The following PCDHGA10 variants were observed in gnomAD, a reference collection of about 807,000 sequenced individuals.
The protein encoded by PCDHGA10 is protocadherin gamma subfamily A, 10, also known as protocadherin gamma-A10.
In PCDHGA10, 42 loss-of-function variants were observed where a neutral mutation model predicts 59.5. The ratio of observed to expected loss-of-function variants is 0.71; its 90% CI spans 0.55 to 0.91. The LOEUF is 0.91. Ranked by LOEUF, PCDHGA10 falls within the 40% of genes least tolerant of loss-of-function variation. The pLI, the probability that PCDHGA10 is intolerant of heterozygous loss-of-function variation, is 0.00. For synonymous variants in PCDHGA10, 511 were observed against 517.2 expected, an observed-to-expected ratio of 0.99 and a Z score of 0.16; for missense variants, 1,111 against 1,198.2, an observed-to-expected ratio of 0.93 and a Z score of 1.07.
At chr5:141,496,021 G>T (rs1011612662) in intron 2 of PCDHGA10, among the ~76,000 whole-genome samples, 2 of 151,336 alleles carry the variant, frequency 1.3e-5, no homozygotes, top group African/African-American at 4.9e-5. Flanking sequence ...TTTTCTCTGA[G>T]CCTCTGTCTC....
chr5:141,422,987 A>AG, intron 1 of PCDHGA10: 1 of 1,614,168 alleles, frequency 6.2e-7, no homozygotes. Context: ...GAACCTGGCT[A>AG]CCTGGTGACC....
intron 1 of PCDHGA10, among the ~76,000 whole-genome samples, chr5:141,480,873 C>A (rs1026513782): frequency 6.6e-6 from 1 of 152,168 alleles, no homozygotes; most frequent in East Asian, 1.9e-4. Context: ...GGTGAAACCC[C>A]GTCTCTACTA....
chr5:141,468,131 C>G (rs1006565854), intron 1 of PCDHGA10, among the ~76,000 whole-genome samples: 1 of 151,766 alleles, frequency 6.6e-6, no homozygotes, highest in African/African-American at 2.4e-5. Flanking sequence ...TTGAGACCAG[C>G]CTGGCCAACA....
At position 141,494,704 on chromosome 5, in the gene PCDHGA10, T is replaced by C. The variant is rs2099756232; in HGVS notation, c.2437-103T>C. Reference sequence around the variant, plus strand: ...CCCCCTCTTAGTCCGTTTTCTTCTCTGTGCCCACTCCCCTCCTTCTCTCCC... The same window carrying C: ...CCCCCTCTTAGTCCGTTTTCTTCTCCGTGCCCACTCCCCTCCTTCTCTCCC... On this transcript the variant is annotated intron_variant, in intron 1 of 3. Transcript: ENST00000398610. The C allele has an allele frequency of 3.1e-6, 5 of 1,597,570 alleles. No individual in the cohort carries two copies. The Admixed American group carries it at 8.5e-5, about 27-fold the overall frequency.
At position 141,476,140 on chromosome 5, in the gene PCDHGA10, C is replaced by A. The variant is rs1410430310; in HGVS notation, c.2437-18667C>A. On this transcript the variant is annotated intron_variant, in intron 1 of 3. Coordinates refer to ENST00000398610, the MANE Select transcript of PCDHGA10 (RefSeq NM_018913.3). The surrounding 1 kb of genome is among the most constrained non-coding windows in gnomAD (Gnocchi z 7.6). ...AGATGGTCCCAGAGGCCTGGAGGAG[C>A]GGACTGGTAAGCACCGGGAGGGTAG... 6 of 1,609,222 alleles carry A rather than the reference C, an allele frequency of 3.7e-6. No homozygotes were observed. The highest frequency in any genetic ancestry group is 5.1e-6 in the Non-Finnish European group (6 of 1,178,484).
rs566635689 is a variant in PCDHGA10, at chr5:141,469,738, C to G, written c.2437-25069C>G. ...AGGAATTTATCATAAATACACACCT[C>G]AAAAATTACAAAAATACATATATAC... is the stretch of plus-strand genomic sequence containing the variant. On this transcript the variant is annotated intron_variant, in intron 1 of 3. Transcript: ENST00000398610. 6.7e-4 allele frequency among the ~76,000 whole-genome samples: 102 copies of G among 152,292 alleles called. 2 individuals are homozygous for G. Among genetic ancestry groups the G allele is most frequent in the African/African-American group, 2.4e-3 (99 of 41,552 alleles).
intron 1 of PCDHGA10, among the ~76,000 whole-genome samples, chr5:141,455,160 G>GTT (rs59530096): frequency 1.3e-4 from 20 of 149,232 alleles, no homozygotes; most frequent in South Asian, 1.1e-3. Flanking sequence ...TAGTTTGTTG[G>GTT]TTTTTTTTTT....
At chr5:141,422,201 G>A in intron 1 of PCDHGA10, 1 of 1,562,386 alleles carries the variant, frequency 6.4e-7, no homozygotes, top group Non-Finnish European at 8.6e-7. Context: ...GGCCAAGATG[G>A]TGGAGGTCTC....
chr5:141,418,754 G>A (rs748707880), intron 1 of PCDHGA10: 1 of 1,613,926 alleles, frequency 6.2e-7, no homozygotes, highest in South Asian at 1.1e-5. Context: ...TTACACTACA[G>A]GAAACATTCT....
In PCDHGA10 at chr5:141,477,292, A is replaced by G; in HGVS notation, c.2437-17515A>G. The G allele has an allele frequency of 1.2e-6, 2 of 1,614,114 alleles. No individual in the cohort carries two copies. The highest frequency in any genetic ancestry group is 4.5e-5 in the East Asian group (2 of 44,862). On this transcript the variant is annotated intron_variant, in intron 1 of 3. Transcript: ENST00000398610. The surrounding 1 kb of genome is among the most constrained non-coding windows in gnomAD (Gnocchi z 4.9). ...ACGGGCTGGTGACCTGCGAAGTTCCACCGGGTCTCCCTTTCAGCCTTACTT... is the reference window on the plus strand; with the variant it reads ...ACGGGCTGGTGACCTGCGAAGTTCCGCCGGGTCTCCCTTTCAGCCTTACTT...
intron 1 of PCDHGA10, among the ~76,000 whole-genome samples, chr5:141,434,700 G>A (rs1041657389): frequency 6.6e-6 from 1 of 151,780 alleles, no homozygotes; most frequent in Non-Finnish European, 1.5e-5. Context: ...TAATAAATAT[G>A]TGGGTAAATC....
Position 141,486,817 on chromosome 5 carries a change from T to A in PCDHGA10, c.2437-7990T>A, listed in dbSNP as rs143638501. On this transcript the variant is annotated intron_variant, in intron 1 of 3. Transcript: ENST00000398610. The surrounding 1 kb of genome is among the most constrained non-coding windows in gnomAD (Gnocchi z 5.0). ...GGGGCAACCCACCCCTTAGCAGCAC[T>A]GTAACAGTTCGTCTATTTGTGCTGG... 1 of 1,614,102 alleles carries A rather than the reference T, an allele frequency of 6.2e-7. No homozygotes were observed. Among genetic ancestry groups the A allele is most frequent in the East Asian group, 2.2e-5 (1 of 44,898 alleles).
At position 141,491,127 on chromosome 5, in the gene PCDHGA10, C is replaced by T. The variant is rs2099708654; in HGVS notation, c.2437-3680C>T. On this transcript the variant is annotated intron_variant, in intron 1 of 3. Transcript: ENST00000398610. This position sits in a 1 kb window ranked among gnomAD's most constrained non-coding sequence, Gnocchi z 6.9. ...TGTCTACACACACTGGTGAGGTGCGCACAGCCCGGGCCTTACTGGAGGATG... is the reference window on the plus strand; with the variant it reads ...TGTCTACACACACTGGTGAGGTGCGTACAGCCCGGGCCTTACTGGAGGATG... 1 of 1,614,076 alleles carries T rather than the reference C, an allele frequency of 6.2e-7. No individual in the cohort carries two copies. The highest frequency in any genetic ancestry group is 1.3e-5 in the African/African-American group (1 of 74,942).
chr5:141,430,987 C>T (rs1171599563), intron 1 of PCDHGA10: 2 of 1,613,690 alleles, frequency 1.2e-6, no homozygotes, highest in African/African-American at 2.7e-5. Context: ...AGCTTTTCGC[C>T]CTGAATCCGC....
At chr5:141,448,748 G>A (rs1476665217) in intron 1 of PCDHGA10, among the ~76,000 whole-genome samples, 1 of 151,980 alleles carries the variant, frequency 6.6e-6, no homozygotes, top group Admixed American at 6.6e-5. Context: ...AGACCATCCT[G>A]GCTAACACGG....
intron 1 of PCDHGA10, chr5:141,427,998 C>G: frequency 6.2e-7 from 1 of 1,600,956 alleles, no homozygotes; most frequent in Non-Finnish European, 8.6e-7. Context: ...TGGCTCCGCA[C>G]TCTTCGATAT....
At chr5:141,427,678 C>T in intron 1 of PCDHGA10, 1 of 822,634 alleles carries the variant, frequency 1.2e-6, no homozygotes, top group Non-Finnish European at 2.0e-6. Flanking sequence ...AACAACCTTC[C>T]CGGAGCCTCC....
chr5:141,457,159 T>C (rs908257499), intron 1 of PCDHGA10, among the ~76,000 whole-genome samples: 5 of 152,212 alleles, frequency 3.3e-5, no homozygotes, highest in Non-Finnish European at 7.3e-5. Flanking sequence ...GGTGCTACCA[T>C]GGATAACCCT....
intron 1 of PCDHGA10, chr5:141,419,239 C>T (rs374093302): frequency 3.7e-6 from 6 of 1,614,008 alleles, no homozygotes; most frequent in East Asian, 2.2e-5. Context: ...ACCTGGTCCA[C>T]GTGCCAGAAA....
Sources: gnomAD v4.1 joint callset for allele counts (sites outside exome capture counted in the v4.1 genomes callset) on GRCh38, gnomAD v4.1.1 for gene constraint, Gnocchi (gnomAD v3.1) non-coding constraint, MANE v1.5 for transcripts, NCBI Gene and HGNC (gene_info 2026-07-23, HGNC 2026-07-21) for gene names.